The following DOP1B variants were observed in gnomAD, a reference collection of about 807,000 sequenced individuals.
DOP1B encodes the protein protein DOP1B.
In DOP1B, 174 loss-of-function variants were observed where a neutral mutation model predicts 233.5. That is an observed-to-expected ratio of 0.75 (90% CI 0.66 to 0.85). The LOEUF is 0.85. Among genes scored for constraint, DOP1B ranks in the 40% least tolerant of loss-of-function variants. The pLI is 0.00. For missense variants in DOP1B, 2,652 were observed against 2,846.6 expected (o/e 0.93, Z 1.56); for synonymous variants, 1,190 against 1,185.6 (o/e 1.00, Z -0.08).
intron 15 of DOP1B, among the ~76,000 whole-genome samples, chr21:36,236,388 A>T (rs1018804293): frequency 6.6e-6 from 1 of 152,238 alleles, no homozygotes; most frequent in Non-Finnish European, 1.5e-5. Flanking sequence ...GGAAGAGTCA[A>T]GTTAGTGGAA....
At chr21:36,261,635 G>T in intron 24 of DOP1B, 1 of 985,038 alleles carries the variant, frequency 1.0e-6, no homozygotes, top group Non-Finnish European at 1.2e-6. Context: ...GGCTGGGTGC[G>T]GTGGCTCAAC....
At chr21:36,168,968 C>T (rs771005578) in intron 2 of DOP1B, 16 of 712,978 alleles carry the variant, frequency 2.2e-5, no homozygotes, top group South Asian at 1.3e-4. Context: ...CTGTTCCTGG[C>T]GTTAAGCTCC....
In DOP1B at chr21:36,245,669, T is replaced by C. The variant is rs1223301690; in HGVS notation, c.3689T>C (p.Leu1230Pro). 2 of 1,613,472 alleles carry C rather than the reference T, an allele frequency of 1.2e-6. No individual in the cohort carries two copies. Among genetic ancestry groups the C allele is most frequent in the East Asian group, 4.5e-5 (2 of 44,836 alleles). ...AVEALFKHILLYLQPYDSRRV... is the reference protein window; with the variant it reads ...AVEALFKHILPYLQPYDSRRV... ...GAGGCCTTGTTCAAGCACATCCTGC[T>C]CTACCTGCAGCCCTACGACTCTCGG... Residue 1230 changes from leucine to proline, a missense_variant, in exon 19 of 37, where the codon CTC becomes CCC. By Grantham distance (98) the Leu-to-Pro change is moderately conservative (BLOSUM62 -3). This residue lies in a region of DOP1B where 2,617 missense variants were observed against 2,794.3 expected (regional missense o/e 0.94). Coordinates refer to ENST00000691173, the MANE Select transcript of DOP1B (RefSeq NM_001320714.2). This position sits in a 1 kb window ranked among gnomAD's most constrained non-coding sequence, Gnocchi z 5.5.
chr21:36,227,682 A>C lies in DOP1B; in HGVS notation c.1474-4A>C. 1 of 1,523,124 alleles carries C rather than the reference A, an allele frequency of 6.6e-7. No individual in the cohort carries two copies. Among genetic ancestry groups the C allele is most frequent in the South Asian group, 1.3e-5 (1 of 79,888 alleles). The allele number at this position is 1,523,124 out of a possible 1,614,324, so 94.4% of individuals were successfully genotyped here. A position where few individuals can be genotyped will look rare whatever the true frequency, so the allele number is the denominator to read the frequency against. On this transcript the variant is annotated splice_region_variant and splice_polypyrimidine_tract_variant and intron_variant, in intron 12 of 36. Coordinates refer to ENST00000691173, the MANE Select transcript of DOP1B (RefSeq NM_001320714.2). The stretch of plus-strand genomic sequence containing the variant: ...TGGGGTTAACCTACACGTTTATTTC[A>C]CAGGAACTTTACTCTGAGGTGCAAA...
At chr21:36,234,501 G>A (rs2066803936) in intron 15 of DOP1B, among the ~76,000 whole-genome samples, 1 of 151,534 alleles carries the variant, frequency 6.6e-6, no homozygotes, top group Non-Finnish European at 1.5e-5. Flanking sequence ...TCATTTTCAT[G>A]TAGTACATAT....
Position 36,232,911 on chromosome 21 carries a change from G to A in DOP1B, c.2458G>A (p.Val820Met). 6.2e-7 allele frequency: 1 copy of A among 1,614,104 alleles called. No individual in the cohort carries two copies. ...QNVAISTLLE[V>M]INHSQSLALV... Reference sequence around the variant, plus strand: ...CGTGGCCATTTCCACTCTGCTGGAAGTGATAAACCATTCCCAGTCCCTGGC... The same window carrying A: ...CGTGGCCATTTCCACTCTGCTGGAAATGATAAACCATTCCCAGTCCCTGGC... Residue 820 changes from valine to methionine, a missense_variant, in exon 15 of 37, where the codon GTG (valine) becomes ATG (methionine). Coordinates refer to ENST00000691173, the MANE Select transcript of DOP1B (RefSeq NM_001320714.2).
At chr21:36,271,920 G>GTCCAGAGTTCGAGACCAGCCTGACCGACA (rs2067293831) in intron 27 of DOP1B, among the ~76,000 whole-genome samples, 1 of 149,208 alleles carries the variant, frequency 6.7e-6, no homozygotes, top group Non-Finnish European at 1.5e-5. Context: ...GTCGCCTGAG[G>GTCCAGAGTTCGAGACCAGCCTGACCGACA]TGATTACAAA....
intron 27 of DOP1B, among the ~76,000 whole-genome samples, chr21:36,270,651 C>T (rs902064634): frequency 1.8e-4 from 27 of 150,598 alleles, no homozygotes; most frequent in Admixed American, 4.6e-4. Context: ...TGGTGGCTCA[C>T]GCCTGTAATC....
intron 2 of DOP1B, among the ~76,000 whole-genome samples, chr21:36,178,108 G>A (rs1314996766): frequency 6.6e-6 from 1 of 152,164 alleles, no homozygotes; most frequent in African/African-American, 2.4e-5. Flanking sequence ...CAGTGTAGCT[G>A]TATATCAAGG....
Position 36,208,842 on chromosome 21 carries a change from A to T in DOP1B, c.619A>T (p.Ile207Phe). 1 of 1,592,796 alleles carries T rather than the reference A, an allele frequency of 6.3e-7. No individual in the cohort carries two copies. The highest frequency in any genetic ancestry group is 8.6e-7 in the Non-Finnish European group (1 of 1,169,408). The change falls in exon 5 of 37, where the codon ATC (isoleucine) becomes TTC (phenylalanine). Residue 207 changes from isoleucine (I) to phenylalanine (F), a missense_variant. This residue lies in a region of DOP1B where 2,617 missense variants were observed against 2,794.3 expected (regional missense o/e 0.94). Coordinates refer to ENST00000691173, the MANE Select transcript of DOP1B (RefSeq NM_001320714.2). ...TGCCTCAGTCTTCGTGGTGGGCCAC[A>T]TCAACAGGGATGCCCCCGGCCGGGA... ...LPASVFVVGH[I>F]NRDAPGREQK...
At chr21:36,207,503 T>A (rs527350420) in intron 4 of DOP1B, among the ~76,000 whole-genome samples, 1 of 139,434 alleles carries the variant, frequency 7.2e-6, no homozygotes, top group African/African-American at 2.8e-5. Flanking sequence ...TTTTTTGTTT[T>A]TTTTTTTTTT....
intron 16 of DOP1B, 49 bp from the exon 17 acceptor site, chr21:36,238,552 G>A: frequency 1.3e-6 from 2 of 1,487,804 alleles, no homozygotes. Flanking sequence ...TGAAGACAGT[G>A]GTCAGTTACA....
chr21:36,222,799 A>G (rs1372212327), intron 10 of DOP1B, among the ~76,000 whole-genome samples: 2 of 151,812 alleles, frequency 1.3e-5, no homozygotes, highest in Non-Finnish European at 2.9e-5. Context: ...GCAGTGGCTC[A>G]ATCTCAGCTC....
At chr21:36,205,670 C>T (rs1487948417) in intron 4 of DOP1B, among the ~76,000 whole-genome samples, 1 of 151,474 alleles carries the variant, frequency 6.6e-6, no homozygotes, top group Non-Finnish European at 1.5e-5. Flanking sequence ...TTACAGGTGT[C>T]AGCCACTGTG....
chr21:36,175,118 T>G (rs567652401), intron 2 of DOP1B, among the ~76,000 whole-genome samples: 52 of 148,844 alleles, frequency 3.5e-4, no homozygotes, highest in African/African-American at 8.8e-4. Flanking sequence ...TTCTTCTTCT[T>G]TTTTTTTTTT....
intron 1 of DOP1B, among the ~76,000 whole-genome samples, chr21:36,159,145 C>CCAAAA (rs1052074713): frequency 2.7e-5 from 4 of 149,094 alleles, no homozygotes; most frequent in South Asian, 2.1e-4. Context: ...AAATCAAAAA[C>CCAAAA]CAAAACAAAA....
chr21:36,260,478 G>A (rs778567146), intron 23 of DOP1B, among the ~76,000 whole-genome samples, 199 bp from the exon 24 acceptor site: 20 of 152,146 alleles, frequency 1.3e-4, no homozygotes, highest in Admixed American at 2.6e-4. Context: ...AAGGGGATGT[G>A]AATGATTTGG....
chr21:36,240,448 C>G (rs1008648048), intron 18 of DOP1B, among the ~76,000 whole-genome samples: 4 of 152,056 alleles, frequency 2.6e-5, no homozygotes, highest in Non-Finnish European at 5.9e-5. Flanking sequence ...CCACTGCACT[C>G]CAGCCTGGGT....
chr21:36,282,097 G>A (rs922361764), intron 32 of DOP1B, among the ~76,000 whole-genome samples: 2 of 152,148 alleles, frequency 1.3e-5, no homozygotes, highest in Admixed American at 6.6e-5. Context: ...AACTTCAGAA[G>A]TATATTGGTA....
Sources: allele counts gnomAD v4.1 joint callset (sites outside exome capture counted in the v4.1 genomes callset), GRCh38; gene constraint gnomAD v4.1.1; regional missense constraint gnomAD v4.1.1; non-coding constraint Gnocchi (gnomAD v3.1); transcripts MANE v1.5; gene names NCBI Gene and HGNC (gene_info 2026-07-23, HGNC 2026-07-21).